The following CTTN variants were observed in gnomAD, a reference collection of about 807,000 sequenced individuals.
CTTN encodes the protein src substrate cortactin.
CTTN carries 28 observed loss-of-function variants against 84.0 expected under a neutral mutation model. The observed-to-expected ratio is 0.33, with a 90% CI of 0.25 to 0.46. The LOEUF is 0.46. Among genes scored for constraint, CTTN ranks in the 20% least tolerant of loss-of-function variants. The pLI is 1.00. For synonymous variants in CTTN, 301 were observed against 288.8 expected (o/e 1.04, Z -0.43); for missense variants, 641 against 723.8 (o/e 0.89, Z 1.31).
chr11:70,419,903 A>T (rs754793774), intron 9 of CTTN, 47 bp downstream of exon 9: 1 of 1,441,414 alleles, frequency 6.9e-7, no homozygotes, highest in Non-Finnish European at 9.7e-7. Context: ...TAGTAATGTG[A>T]CAGGTGGTAG....
At chr11:70,429,395 A>C (rs1011897538) in intron 14 of CTTN, among the ~76,000 whole-genome samples, 196 bp downstream of exon 14, 2 of 152,114 alleles carry the variant, frequency 1.3e-5, no homozygotes, top group Non-Finnish European at 2.9e-5. Flanking sequence ...TCTGGCCACA[A>C]TGCTCCAGGC....
At chr11:70,414,350 A>G (rs2058132846) in intron 5 of CTTN, among the ~76,000 whole-genome samples, 192 bp from the exon 6 acceptor site, 1 of 151,064 alleles carries the variant, frequency 6.6e-6, no homozygotes, top group Non-Finnish European at 1.5e-5. Flanking sequence ...GTCTCAAAAA[A>G]AAAAAAGCCT....
At position 70,419,865 on chromosome 11, in the gene CTTN, C is replaced by T. The variant is rs763424556; in HGVS notation, c.679+9C>T. ...GCACGAGTCCCAGAAAGGTGTCTTC[C>T]GTTTTATCTTACCCTCCAGCCAGCA... On this transcript the variant is annotated intron_variant, in intron 9 of 17. Coordinates refer to ENST00000301843, the MANE Select transcript of CTTN (RefSeq NM_005231.4). 4.2e-5 allele frequency: 67 copies of T among 1,602,964 alleles called. No homozygotes were observed. In the South Asian group the frequency reaches 5.2e-4, roughly 12 times the overall value.
chr11:70,417,705 A>G (rs1230451772), intron 8 of CTTN, among the ~76,000 whole-genome samples: 1 of 152,052 alleles, frequency 6.6e-6, no homozygotes, highest in Non-Finnish European at 1.5e-5. Flanking sequence ...CATGTTGCCC[A>G]GGCTGGTCTT....
In CTTN at chr11:70,436,512, T is replaced by A; in HGVS notation, c.*1350T>A. 1 of 938,560 alleles carries A rather than the reference T, an allele frequency of 1.1e-6. No individual in the cohort carries two copies. The highest frequency in any genetic ancestry group is 1.6e-6 in the Non-Finnish European group (1 of 611,440). The allele number at this position is 938,560 out of a possible 1,614,324, so 58.1% of individuals were successfully genotyped here. ...GCAACTTATTGTATCTGAATTCCTG[T>A]AGCACACCTCATAGGTATGATTTTT... On this transcript the variant is annotated 3_prime_UTR_variant, in exon 18 of 18. Coordinates refer to ENST00000301843, the MANE Select transcript of CTTN (RefSeq NM_005231.4).
chr11:70,411,457 A>G (rs1023863323), intron 5 of CTTN, among the ~76,000 whole-genome samples: 3 of 152,104 alleles, frequency 2.0e-5, no homozygotes, highest in Non-Finnish European at 4.4e-5. Context: ...GACGGAATCC[A>G]TGTGTTCAGT....
chr11:70,414,315 A>G (rs1230720125), intron 5 of CTTN, among the ~76,000 whole-genome samples: 3 of 150,522 alleles, frequency 2.0e-5, no homozygotes, highest in Non-Finnish European at 3.0e-5. Flanking sequence ...ACTGCACTCC[A>G]GCCTGGGCAA....
At chr11:70,399,326 T>C (rs1243839578) in intron 1 of CTTN, among the ~76,000 whole-genome samples, 4 of 112,822 alleles carry the variant, frequency 3.5e-5, no homozygotes, top group African/African-American at 1.1e-4. Flanking sequence ...GGAGGAAAGG[T>C]ATAGGGTCCG....
chr11:70,436,433 A>AT lies in CTTN; in HGVS notation c.*1275dup, dbSNP rs748113416. 1 of 1,593,678 alleles carries AT rather than the reference A, an allele frequency of 6.3e-7. No individual in the cohort carries two copies. Among genetic ancestry groups the AT allele is most frequent in the East Asian group, 2.2e-5 (1 of 44,796 alleles). On this transcript the variant is annotated 3_prime_UTR_variant, in exon 18 of 18. Coordinates refer to ENST00000301843, the MANE Select transcript of CTTN (RefSeq NM_005231.4). ...AAGCGTGTTTTTGCTCCTGAGGTGC[A>AT]TTTTCTCATCATCCTTGCTTTACCA...
chr11:70,407,471 G>A (rs190831384), intron 3 of CTTN, 47 bp from the exon 4 acceptor site: 1 of 1,611,714 alleles, frequency 6.2e-7, no homozygotes, highest in East Asian at 2.2e-5. Flanking sequence ...TGGTTTGTCT[G>A]TGTCACAATC....
intron 14 of CTTN, among the ~76,000 whole-genome samples, chr11:70,429,514 C>T (rs911896421): frequency 2.6e-5 from 4 of 152,306 alleles, no homozygotes; most frequent in African/African-American, 2.4e-5. Context: ...TCCACCTCCA[C>T]GGGGCTCCTG....
chr11:70,414,416 G>A lies in CTTN; in HGVS notation c.292-126G>A, dbSNP rs1231319979. The A allele has an allele frequency of 3.0e-5, 19 of 632,908 alleles. No individual in the cohort carries two copies. In the East Asian group the frequency reaches 4.7e-4, roughly 16 times the overall value. 39.2% of individuals were successfully genotyped at this position (632,908 alleles called of 1,614,324 possible). A position where few individuals can be genotyped will look rare whatever the true frequency, so the allele number is the denominator to read the frequency against. On this transcript the variant is annotated intron_variant, in intron 5 of 17. Coordinates refer to ENST00000301843, the MANE Select transcript of CTTN (RefSeq NM_005231.4). ...TGTCGCCTTCCTTGGCTCCCCAGAT[G>A]GGTGTGTTAATGTAAGGTTTCCCTG...
chr11:70,431,068 G>A (rs1286031138), intron 14 of CTTN, 123 bp from the exon 15 acceptor site: 4 of 964,074 alleles, frequency 4.1e-6, no homozygotes, highest in Middle Eastern at 2.1e-4. Flanking sequence ...CTTGGTGTGG[G>A]TGTTTTCCAC....
intron 9 of CTTN, 100 bp from the exon 10 acceptor site, chr11:70,420,300 G>T: frequency 1.3e-6 from 1 of 785,824 alleles, no homozygotes; most frequent in South Asian, 1.5e-5. Context: ...AGAGTAGATT[G>T]AGTGAATCAT....
intron 8 of CTTN, 57 bp downstream of exon 8, chr11:70,417,180 G>A: frequency 3.1e-6 from 4 of 1,304,586 alleles, no homozygotes; most frequent in Non-Finnish European, 4.5e-6. Flanking sequence ...ACCCACGAGG[G>A]CATTTTCTCT....
At position 70,425,332 on chromosome 11, in the gene CTTN, A is replaced by G; in HGVS notation, c.958A>G (p.Asn320Asp). The change falls in exon 13 of 18, where the codon AAT becomes GAT. Residue 320 changes from asparagine to aspartate, a missense_variant and splice_region_variant. Around this residue, in one of 3 missense-constraint regions of CTTN, gnomAD observed 289 missense variants for 273.1 expected, o/e 1.06. Coordinates refer to ENST00000301843, the MANE Select transcript of CTTN (RefSeq NM_005231.4). Reference protein sequence around the residue: ...YGVQKDRMDKNASTFEDVTQV... With the variant: ...YGVQKDRMDKDASTFEDVTQV... ...TGACGCCCATGTCCTGTCTCTGCAG[A>G]ATGCGTCAACCTTTGAGGATGTCAC... is the stretch of plus-strand genomic sequence containing the variant. 6.2e-7 allele frequency: 1 copy of G among 1,611,704 alleles called. No individual in the cohort carries two copies. The highest frequency in any genetic ancestry group is 1.1e-5 in the South Asian group (1 of 90,302).
intron 4 of CTTN, 52 bp downstream of exon 4, chr11:70,407,643 C>G (rs377138627): frequency 6.2e-5 from 96 of 1,538,454 alleles, no homozygotes; most frequent in Non-Finnish European, 6.6e-5. Context: ...GATGGAGCCC[C>G]AGGTGCAACA....
At chr11:70,427,441 T>G (rs981262817) in intron 13 of CTTN, among the ~76,000 whole-genome samples, 1 of 152,244 alleles carries the variant, frequency 6.6e-6, no homozygotes, top group African/African-American at 2.4e-5. Context: ...TGTTTTGTTT[T>G]GTAAATCTCT....
At chr11:70,412,001 C>T (rs575840923) in intron 5 of CTTN, among the ~76,000 whole-genome samples, 3 of 152,286 alleles carry the variant, frequency 2.0e-5, no homozygotes, top group South Asian at 4.1e-4. Flanking sequence ...TCTCACCTCT[C>T]AGCCGGCAAG....
Sources: allele counts gnomAD v4.1 joint callset (sites outside exome capture counted in the v4.1 genomes callset), GRCh38; gene constraint gnomAD v4.1.1; regional missense constraint gnomAD v4.1.1; transcripts MANE v1.5; gene names NCBI Gene and HGNC (gene_info 2026-07-23, HGNC 2026-07-21).